BBS9: variants seen among roughly 807,000 people sequenced by gnomAD.
BBS9 encodes Bardet-Biedl syndrome 9.
Under a neutral mutation model 117.7 loss-of-function variants are expected in BBS9, and 89 were observed. That is an observed-to-expected ratio of 0.76 (90% CI 0.64 to 0.90). The LOEUF (loss-of-function observed/expected upper bound fraction) is 0.90, where lower values mean the gene tolerates loss of function less well. BBS9 is among the 40% of genes least tolerant of loss of function. The pLI is 0.00. For missense variants in BBS9, 982 were observed against 1,042.2 expected (o/e 0.94, Z 0.80); for synonymous variants, 379 against 370.9 (o/e 1.02, Z -0.25).
At chr7:33,220,435 C>G (rs995302207) in intron 5 of BBS9, among the ~76,000 whole-genome samples, 1 of 152,154 alleles carries the variant, frequency 6.6e-6, no homozygotes, top group African/African-American at 2.4e-5. Context: ...CCAGTCGACC[C>G]GCACCTGAGA....
intron 1 of BBS9, among the ~76,000 whole-genome samples, chr7:33,139,166 T>C (rs555339353): frequency 6.6e-6 from 1 of 151,330 alleles, no homozygotes; most frequent in East Asian, 2.2e-4. Context: ...GCAGGAGAAT[T>C]GCTTGAACCC....
intron 19 of BBS9, among the ~76,000 whole-genome samples, chr7:33,435,182 T>A (rs1563172755): frequency 6.6e-6 from 1 of 152,170 alleles, no homozygotes; most frequent in Non-Finnish European, 1.5e-5. Flanking sequence ...CTCTGTAGGT[T>A]CTGCATTGGT....
intron 5 of BBS9, chr7:33,177,871 T>C (rs565680101): frequency 7.4e-5 from 25 of 336,556 alleles, no homozygotes; most frequent in Non-Finnish European, 1.3e-4. Context: ...CCTTTAAACA[T>C]TGGAAGTCTT....
chr7:33,528,952 T>C (rs1850127227), intron 20 of BBS9, among the ~76,000 whole-genome samples: 1 of 152,230 alleles, frequency 6.6e-6, no homozygotes, highest in Admixed American at 6.5e-5. Flanking sequence ...AATAAGCCAC[T>C]TGCTTGATCT....
At chr7:33,537,056 G>A (rs180712269) in intron 21 of BBS9, among the ~76,000 whole-genome samples, 1 of 152,146 alleles carries the variant, frequency 6.6e-6, no homozygotes, top group East Asian at 1.9e-4. Flanking sequence ...TTAAGATTTA[G>A]TTGGGACCTT....
intron 20 of BBS9, among the ~76,000 whole-genome samples, chr7:33,529,772 C>T (rs528470736): frequency 2.0e-5 from 3 of 152,118 alleles, no homozygotes; most frequent in Non-Finnish European, 4.4e-5. Context: ...CAATTCCCTT[C>T]CAGAAATTTT....
chr7:33,468,999 CTTTT>C (rs4000120), intron 19 of BBS9, among the ~76,000 whole-genome samples: 1 of 150,464 alleles, frequency 6.6e-6, no homozygotes, highest in African/African-American at 2.4e-5. Flanking sequence ...CTACTGATTC[CTTTT>C]TTTTTTTTTT....
At chr7:33,573,865 G>A (rs989157631) in intron 21 of BBS9, among the ~76,000 whole-genome samples, 1 of 152,100 alleles carries the variant, frequency 6.6e-6, no homozygotes, top group Non-Finnish European at 1.5e-5. Context: ...ATAAAGGTTG[G>A]CTACTTAGTT....
At chr7:33,557,594 C>A (rs1332192220) in intron 21 of BBS9, among the ~76,000 whole-genome samples, 1 of 152,170 alleles carries the variant, frequency 6.6e-6, no homozygotes, top group Non-Finnish European at 1.5e-5. Flanking sequence ...GTGGACCATG[C>A]CAGCTGATGA....
At chr7:33,586,437 A>G (rs778923293) in intron 21 of BBS9, among the ~76,000 whole-genome samples, 3 of 152,078 alleles carry the variant, frequency 2.0e-5, no homozygotes, top group Admixed American at 6.6e-5. Context: ...ATGCTTATAT[A>G]CTGTAGGTAG....
At chr7:33,430,722 G>C (rs1834312516) in intron 19 of BBS9, among the ~76,000 whole-genome samples, 1 of 152,184 alleles carries the variant, frequency 6.6e-6, no homozygotes, top group African/African-American at 2.4e-5. Context: ...CCCACCAGTG[G>C]CCAATGGACA....
chr7:33,199,127 T>C (rs939561339), intron 5 of BBS9, among the ~76,000 whole-genome samples: 1 of 151,992 alleles, frequency 6.6e-6, no homozygotes, highest in Non-Finnish European at 1.5e-5. Context: ...ACAAATTCTT[T>C]TTAAACTTGG....
rs371670829 is a variant in BBS9 at position 33,376,324 on chromosome 7, A to G, written c.1790-7342A>G. Among the ~76,000 whole-genome samples, 7 of 152,084 alleles carry G rather than the reference A, an allele frequency of 4.6e-5. No individual in the cohort carries two copies. In the East Asian group the frequency reaches 7.7e-4, roughly 17 times the overall value. On this transcript the variant is annotated intron_variant, in intron 17 of 22. Transcript: ENST00000242067. ...GTTATTGTTCCTGCATTAGTTTGCTAGGAATATTGGCCACCAGCTTCATCC... is the reference window on the plus strand; with the variant it reads ...GTTATTGTTCCTGCATTAGTTTGCTGGGAATATTGGCCACCAGCTTCATCC...
At chr7:33,252,890 A>T (rs954928391) in intron 5 of BBS9, among the ~76,000 whole-genome samples, 3 of 152,156 alleles carry the variant, frequency 2.0e-5, no homozygotes, top group Non-Finnish European at 4.4e-5. Context: ...GTGAAAAAGT[A>T]TATAGAAAAA....
At chr7:33,571,330 C>T (rs1477625401) in intron 21 of BBS9, among the ~76,000 whole-genome samples, 1 of 151,624 alleles carries the variant, frequency 6.6e-6, no homozygotes, top group East Asian at 1.9e-4. Context: ...AGGGAAACTA[C>T]TGAAAGAACA....
chr7:33,631,664 C>T (rs1865895012), intron 21 of BBS9, among the ~76,000 whole-genome samples: 1 of 152,160 alleles, frequency 6.6e-6, no homozygotes, highest in African/African-American at 2.4e-5. Flanking sequence ...GTGCAGGGGC[C>T]CCTTGCCTCA....
intron 21 of BBS9, among the ~76,000 whole-genome samples, chr7:33,617,425 A>G (rs61077159): frequency 0.016 from 2,371 of 150,966 alleles, 70 homozygotes; most frequent in African/African-American, 0.056. Flanking sequence ...CTCTGTAATG[A>G]TAAAGAGGTC....
In BBS9 at chr7:33,605,375, G is replaced by A; in HGVS notation, c.*149G>A. Reference sequence around the variant, plus strand: ...TGACATGCATAGAAAGAGGGGTTGGGACTTTTTACTTCACTAGGAGAACTT... The same window carrying A: ...TGACATGCATAGAAAGAGGGGTTGGAACTTTTTACTTCACTAGGAGAACTT... On this transcript the variant is annotated 3_prime_UTR_variant, in exon 23 of 23. Transcript: ENST00000242067. 1 of 809,572 alleles carries A rather than the reference G, an allele frequency of 1.2e-6. No individual in the cohort carries two copies. The highest frequency in any genetic ancestry group is 2.1e-6 in the Non-Finnish European group (1 of 466,602). 50.1% of individuals were successfully genotyped at this position (809,572 alleles called of 1,614,324 possible). A position where few individuals can be genotyped will look rare whatever the true frequency, so the allele number is the denominator to read the frequency against.
Position 33,598,144 on chromosome 7 carries a change from A to G in BBS9, c.2522-6721A>G, listed in dbSNP as rs1054105690. Among the ~76,000 whole-genome samples the G allele has an allele frequency of 2.7e-5, 4 of 150,054 alleles. No homozygotes were observed. In the Admixed American group the frequency reaches 2.7e-4, roughly 10 times the overall value. The stretch of plus-strand genomic sequence containing the variant: ...CTCTCCTTCAGGGGCCTCTCTGTTC[A>G]CTCCCCACTTGGCTTCACTTTTGAT... On this transcript the variant is annotated intron_variant, in intron 21 of 22. Coordinates refer to ENST00000242067, the MANE Select transcript of BBS9 (RefSeq NM_198428.3).
Sources: allele counts gnomAD v4.1 joint callset (sites outside exome capture counted in the v4.1 genomes callset), GRCh38; gene constraint gnomAD v4.1.1; transcripts MANE v1.5; gene names NCBI Gene and HGNC (gene_info 2026-07-23, HGNC 2026-07-21).